STXBP4: variants seen among roughly 807,000 people sequenced by gnomAD.
The protein encoded by STXBP4 is syntaxin-binding protein 4.
STXBP4 carries 55 observed loss-of-function variants against 76.1 expected under a neutral mutation model. The observed-to-expected ratio is 0.72, with a 90% CI of 0.58 to 0.91. The LOEUF (loss-of-function observed/expected upper bound fraction) is 0.91, where lower values mean the gene tolerates loss of function less well. Ranked by LOEUF, STXBP4 falls within the 40% of genes least tolerant of loss-of-function variation. The probability of loss-of-function intolerance (pLI) is 0.00; values close to 1 mark genes in which losing one functional copy is unlikely to be tolerated. For synonymous variants in STXBP4, 201 were observed against 220.2 expected (o/e 0.91, Z 0.77); for missense variants, 618 against 636.9 (o/e 0.97, Z 0.32).
At chr17:55,052,313 C>T (rs1598268104) in intron 12 of STXBP4, among the ~76,000 whole-genome samples, 1 of 152,128 alleles carries the variant, frequency 6.6e-6, no homozygotes, top group African/African-American at 2.4e-5. Flanking sequence ...GGGGCTTCCA[C>T]TGGCCAAATA....
the STXBP4 span, among the ~76,000 whole-genome samples, chr17:55,181,134 C>T: frequency 4.6e-5 from 7 of 152,304 alleles, no homozygotes; most frequent in African/African-American, 1.7e-4. Context: ...TTCTCAGCTC[C>T]TTCATCTGAT....
the STXBP4 span, among the ~76,000 whole-genome samples, chr17:55,212,925 C>T: frequency 3.9e-5 from 6 of 152,136 alleles, no homozygotes; most frequent in Non-Finnish European, 8.8e-5. Context: ...CACCAACACA[C>T]GGAGGACACG....
chr17:55,119,666 T>C (rs940604179), intron 16 of STXBP4, among the ~76,000 whole-genome samples: 33 of 152,072 alleles, frequency 2.2e-4, no homozygotes, highest in Middle Eastern at 3.4e-3. Context: ...TAAAAATATA[T>C]AAGTATATAA....
At chr17:55,209,365 G>A in the STXBP4 span, among the ~76,000 whole-genome samples, 2 of 152,074 alleles carry the variant, frequency 1.3e-5, no homozygotes, top group South Asian at 4.2e-4. Flanking sequence ...CCAGGTCAGA[G>A]GCAGCAGAGA....
At chr17:55,057,021 ATTT>A (rs984622307) in intron 12 of STXBP4, among the ~76,000 whole-genome samples, 17 of 152,112 alleles carry the variant, frequency 1.1e-4, no homozygotes, top group African/African-American at 4.1e-4. Flanking sequence ...TAAAGTCATT[ATTT>A]TTTATTTATA....
At chr17:55,113,217 C>CACACACA (rs2079742061) in intron 16 of STXBP4, among the ~76,000 whole-genome samples, 1 of 141,328 alleles carries the variant, frequency 7.1e-6, no homozygotes, top group African/African-American at 2.6e-5. Context: ...GGTGCTCTTA[C>CACACACA]CACACACACA....
intron 12 of STXBP4, among the ~76,000 whole-genome samples, chr17:55,063,816 T>C (rs2079020100): frequency 6.6e-6 from 1 of 152,188 alleles, no homozygotes; most frequent in Non-Finnish European, 1.5e-5. Context: ...CAAATACACA[T>C]CACTAAAATT....
the STXBP4 span, among the ~76,000 whole-genome samples, chr17:55,201,506 T>C: frequency 6.6e-6 from 1 of 152,130 alleles, no homozygotes. Context: ...TCTTGTGTTA[T>C]TAATAAAAAT....
intron 17 of STXBP4, among the ~76,000 whole-genome samples, chr17:55,149,601 T>C (rs138932959): frequency 1.4e-4 from 22 of 152,340 alleles, no homozygotes; most frequent in African/African-American, 4.8e-4. Context: ...TTTTATACTA[T>C]TGCTATTTGC....
At chr17:55,181,401 T>A in the STXBP4 span, among the ~76,000 whole-genome samples, 1 of 152,216 alleles carries the variant, frequency 6.6e-6, no homozygotes, top group Non-Finnish European at 1.5e-5. Flanking sequence ...AATGCTGAAT[T>A]TTTCCTACTC....
At chr17:54,987,211 G>C (rs898057516) in intron 3 of STXBP4, among the ~76,000 whole-genome samples, 3 of 152,022 alleles carry the variant, frequency 2.0e-5, no homozygotes, top group African/African-American at 4.8e-5. Context: ...CTTTAACAAG[G>C]CATATTAAAA....
chr17:55,018,319 G>A (rs899636874), intron 8 of STXBP4, among the ~76,000 whole-genome samples: 21 of 152,290 alleles, frequency 1.4e-4, no homozygotes, highest in African/African-American at 4.3e-4. Context: ...ACACTCTGCC[G>A]GATTGAGAGG....
At chr17:55,125,479 C>CAAAAAAA (rs10632680) in intron 16 of STXBP4, among the ~76,000 whole-genome samples, 14,566 of 90,236 alleles carry the variant, frequency 0.16, 1,460 homozygotes, top group South Asian at 0.23. Context: ...GGACAAAATA[C>CAAAAAAA]AAAAAAAAAA....
At chr17:55,100,896 A>G (rs1043285324) in intron 16 of STXBP4, among the ~76,000 whole-genome samples, 3 of 152,164 alleles carry the variant, frequency 2.0e-5, no homozygotes, top group African/African-American at 7.2e-5. Context: ...ATGAGCTGCT[A>G]TGTTAGGAGA....
chr17:54,980,357 GTTACCAGTGCAGGGTCTTGA>G (rs1252262475), intron 1 of STXBP4, among the ~76,000 whole-genome samples: 2 of 152,184 alleles, frequency 1.3e-5, no homozygotes, highest in South Asian at 2.1e-4. Flanking sequence ...ATGTGCAGCT[GTTACCAGTGCAGGGTCTTGA>G]CTACAAGTCG....
intron 16 of STXBP4, among the ~76,000 whole-genome samples, chr17:55,135,608 C>T (rs899632783): frequency 6.6e-6 from 1 of 152,014 alleles, no homozygotes; most frequent in African/African-American, 2.4e-5. Context: ...ATACTAGATT[C>T]CTTTTTCATA....
chr17:55,006,291 A>G lies in STXBP4; in HGVS notation c.575-1215A>G, dbSNP rs115499920. Among the ~76,000 whole-genome samples, 613 of 152,240 alleles carry G rather than the reference A, an allele frequency of 4.0e-3. 5 individuals are homozygous for G. Among genetic ancestry groups the G allele is most frequent in the African/African-American group, 0.011 (461 of 41,564 alleles). ...GTTTAGAGGAAGACTATTTATTTTC[A>G]TATGCACTTCTTATGTTCTTAAGAG... On this transcript the variant is annotated intron_variant, in intron 7 of 17. Transcript: ENST00000376352.
At chr17:55,110,351 A>T (rs2079697180) in intron 16 of STXBP4, among the ~76,000 whole-genome samples, 1 of 152,192 alleles carries the variant, frequency 6.6e-6, no homozygotes, top group South Asian at 2.1e-4. Context: ...ATGGCTTAGG[A>T]TGTGGACATC....
intron 16 of STXBP4, among the ~76,000 whole-genome samples, chr17:55,129,034 A>G (rs1467402451): frequency 2.8e-5 from 4 of 144,188 alleles, no homozygotes; most frequent in Non-Finnish European, 4.5e-5. Flanking sequence ...GGTTCAAGTG[A>G]TTCTCCTGCC....
Sources: gnomAD v4.1 joint callset for allele counts (sites outside exome capture counted in the v4.1 genomes callset) on GRCh38, gnomAD v4.1.1 for gene constraint, MANE v1.5 for transcripts, NCBI Gene and HGNC (gene_info 2026-07-23, HGNC 2026-07-21) for gene names.